The following DNAI4 variants were observed in gnomAD, a reference collection of about 807,000 sequenced individuals.
DNAI4 encodes dynein axonemal intermediate chain 4.
In DNAI4, 85 loss-of-function variants were observed where a neutral mutation model predicts 105.8. That is an observed-to-expected ratio of 0.80 (90% CI 0.67 to 0.96). The LOEUF (loss-of-function observed/expected upper bound fraction) is 0.96. DNAI4 is among the 40% of genes least tolerant of loss of function. The pLI is 0.00. For synonymous variants in DNAI4, 352 were observed against 331.5 expected, an observed-to-expected ratio of 1.06 and a Z score of -0.67; for missense variants, 1,014 against 1,005.6, an observed-to-expected ratio of 1.01 and a Z score of -0.11.
intron 3 of DNAI4, among the ~76,000 whole-genome samples, chr1:66,892,968 A>G (rs1647822014): frequency 7.4e-6 from 1 of 136,044 alleles, no homozygotes; most frequent in African/African-American, 3.0e-5. Context: ...AAAGAAAGAA[A>G]GAAAGAAAGA....
At chr1:66,910,384 TCTTC>T (rs1238222152) in intron 1 of DNAI4, among the ~76,000 whole-genome samples, 1 of 152,252 alleles carries the variant, frequency 6.6e-6, no homozygotes, top group Non-Finnish European at 1.5e-5. Context: ...TTTCGTGATC[TCTTC>T]CTTGTTTACT....
intron 1 of DNAI4, among the ~76,000 whole-genome samples, chr1:66,906,277 A>T (rs973396204): frequency 7.2e-5 from 11 of 152,048 alleles, no homozygotes; most frequent in African/African-American, 2.7e-4. Flanking sequence ...ATATTTTTTC[A>T]CTTTTGGATT....
Position 66,814,180 on chromosome 1 carries a change from C to G in DNAI4, c.2497G>C (p.Gly833Arg), listed in dbSNP as rs777627676. The G allele has an allele frequency of 2.5e-6, 4 of 1,583,086 alleles. No individual in the cohort carries two copies. ...CCAAGCAAAGTATCCATTATATCTC[C>G]CTGAAAAAAAAAAGTCACACAATTA... is the stretch of plus-strand genomic sequence containing the variant. Reference protein sequence around the residue: ...NMPTVLETGRGDIMDTLLGSK... With the variant: ...NMPTVLETGRRDIMDTLLGSK... Residue 833 changes from glycine (G) to arginine (R), a missense_variant and splice_region_variant, in exon 17 of 17, where the codon GGA becomes CGA. Physicochemically the swap from Gly to Arg is moderately radical, Grantham distance 125. Transcript: ENST00000371026.
rs920490125 is a variant in DNAI4, at chr1:66,813,859, G to A, written c.*271C>T. Reference sequence around the variant, plus strand: ...TTAGACATTGTATAAGAATGTACATGTACTCATATGTACTTAGAATATGAT... The same window carrying A: ...TTAGACATTGTATAAGAATGTACATATACTCATATGTACTTAGAATATGAT... On this transcript the variant is annotated 3_prime_UTR_variant, in exon 17 of 17. Transcript: ENST00000371026. 1 of 289,398 alleles carries A rather than the reference G, an allele frequency of 3.5e-6. No homozygotes were observed. 17.9% of individuals were successfully genotyped at this position (289,398 alleles called of 1,614,324 possible).
At chr1:66,836,474 A>G (rs1306616111) in intron 10 of DNAI4, among the ~76,000 whole-genome samples, 1 of 152,184 alleles carries the variant, frequency 6.6e-6, no homozygotes, top group Non-Finnish European at 1.5e-5. Flanking sequence ...CATCTAGCAT[A>G]TAATTCCTGT....
chr1:66,880,249 A>G (rs940742738), intron 4 of DNAI4, among the ~76,000 whole-genome samples: 1 of 152,226 alleles, frequency 6.6e-6, no homozygotes, highest in Non-Finnish European at 1.5e-5. Flanking sequence ...AATTGGTACC[A>G]GTAGAATGGG....
intron 2 of DNAI4, among the ~76,000 whole-genome samples, chr1:66,899,840 C>T (rs116444814): frequency 0.019 from 2,820 of 152,222 alleles, 38 homozygotes; most frequent in East Asian, 0.035. Context: ...TGAGTGATCT[C>T]GGCAATCATA....
intron 2 of DNAI4, among the ~76,000 whole-genome samples, chr1:66,903,100 G>A (rs548863142): frequency 1.4e-3 from 208 of 152,258 alleles, no homozygotes; most frequent in Middle Eastern, 0.01. Context: ...ATTTTGGAGG[G>A]AATGTATTGA....
intron 4 of DNAI4, among the ~76,000 whole-genome samples, chr1:66,887,575 C>T (rs897869937): frequency 7.2e-5 from 11 of 151,940 alleles, no homozygotes; most frequent in African/African-American, 2.7e-4. Flanking sequence ...TAAACATAGA[C>T]ATTACTCAAA....
At chr1:66,897,691 T>C (rs959814599) in intron 2 of DNAI4, among the ~76,000 whole-genome samples, 4 of 152,180 alleles carry the variant, frequency 2.6e-5, no homozygotes, top group East Asian at 1.9e-4. Context: ...GTGACCCCCA[T>C]TGGGGCTGTG....
chr1:66,817,614 A>T (rs1330116961), intron 16 of DNAI4, among the ~76,000 whole-genome samples: 2 of 152,190 alleles, frequency 1.3e-5, no homozygotes, highest in Non-Finnish European at 2.9e-5. Context: ...ATCTCATCTA[A>T]TCAGATGGCA....
Position 66,891,210 on chromosome 1 carries a change from A to G in DNAI4, c.587T>C (p.Ile196Thr), listed in dbSNP as rs74624036. ...GGATGGTTCTTCCAGGTCTTCTGCTATTGATTCACTTGCTGATACACTTGA... is the reference window on the plus strand; with the variant it reads ...GGATGGTTCTTCCAGGTCTTCTGCTGTTGATTCACTTGCTGATACACTTGA... ...SKSSVSASESIAEDLEEPSYK... is the reference protein window; with the variant it reads ...SKSSVSASESTAEDLEEPSYK... The change falls in exon 4 of 17, where the codon ATA (isoleucine) becomes ACA (threonine). Residue 196 changes from isoleucine (I) to threonine (T), a missense_variant. By Grantham distance (89) the Ile-to-Thr change is moderately conservative. Coordinates refer to ENST00000371026, the MANE Select transcript of DNAI4 (RefSeq NM_024763.5). 2,073 of 1,613,944 alleles carry G rather than the reference A, an allele frequency of 1.3e-3. 15 individuals carry two copies. In the African/African-American group the frequency reaches 0.025, roughly 19 times the overall value.
At chr1:66,825,129 T>C (rs1456343434) in intron 15 of DNAI4, among the ~76,000 whole-genome samples, 2 of 151,650 alleles carry the variant, frequency 1.3e-5, no homozygotes, top group African/African-American at 2.4e-5. Flanking sequence ...TCTGTTTCTC[T>C]GGAGATCCCT....
chr1:66,894,570 C>A (rs550015676), intron 2 of DNAI4, among the ~76,000 whole-genome samples: 1 of 151,958 alleles, frequency 6.6e-6, no homozygotes, highest in African/African-American at 2.4e-5. Context: ...ACATTCCCAG[C>A]CCTGAAGTCC....
chr1:66,835,480 A>G, intron 11 of DNAI4, 146 bp downstream of exon 11: 1 of 838,686 alleles, frequency 1.2e-6, no homozygotes, highest in East Asian at 2.7e-5. Flanking sequence ...AGCTGGAGAG[A>G]CAATATGAGG....
intron 10 of DNAI4, 83 bp downstream of exon 10, chr1:66,837,627 T>A: frequency 7.3e-7 from 1 of 1,376,416 alleles, no homozygotes; most frequent in African/African-American, 1.5e-5. Context: ...TAGACTTTAT[T>A]TAATTATTAC....
At chr1:66,848,765 A>T (rs1234342169) in intron 7 of DNAI4, among the ~76,000 whole-genome samples, 1 of 152,236 alleles carries the variant, frequency 6.6e-6, no homozygotes, top group East Asian at 1.9e-4. Context: ...CAAGAAAAAA[A>T]TCCCCAAAAG....
rs182728646 is a variant in DNAI4 at position 66,840,755 on chromosome 1, C to T, written c.1292-84G>A. 109 of 1,369,426 alleles carry T rather than the reference C, an allele frequency of 8.0e-5. No individual in the cohort carries two copies. In the Admixed American group the frequency reaches 1.9e-3, roughly 24 times the overall value. 84.8% of individuals were successfully genotyped at this position (1,369,426 alleles called of 1,614,324 possible). A position where few individuals can be genotyped will look rare whatever the true frequency, so the allele number is the denominator to read the frequency against. ...GGCTCCAAACAGCATATCTACCCAC[C>T]ACTGACACTTCAAGCACCATCAGAT... On this transcript the variant is annotated intron_variant, in intron 8 of 16. Transcript: ENST00000371026.
At chr1:66,856,427 C>T (rs112802209) in intron 7 of DNAI4, among the ~76,000 whole-genome samples, 16,238 of 151,834 alleles carry the variant, frequency 0.11, 942 homozygotes, top group South Asian at 0.17. Flanking sequence ...GAGCCGAGAT[C>T]GTGCCACTGC....
Sources: allele counts gnomAD v4.1 joint callset (sites outside exome capture counted in the v4.1 genomes callset), GRCh38; gene constraint gnomAD v4.1.1; transcripts MANE v1.5; gene names NCBI Gene and HGNC (gene_info 2026-07-23, HGNC 2026-07-21).